Variants in SRPK2 observed in about 807,000 individuals in gnomAD.
SRPK2 encodes the protein SRSF protein kinase 2.
SRPK2 carries 21 observed loss-of-function variants against 90.8 expected under a neutral mutation model. The ratio of observed to expected loss-of-function variants is 0.23; its 90% CI spans 0.16 to 0.33. SRPK2 has a LOEUF of 0.33. Among genes scored for constraint, SRPK2 ranks in the 10% least tolerant of loss-of-function variants. The probability of loss-of-function intolerance (pLI) is 1.00; values close to 1 mark genes in which losing one functional copy is unlikely to be tolerated. For missense variants in SRPK2, 620 were observed against 869.0 expected, an observed-to-expected ratio of 0.71 and a Z score of 3.60; for synonymous variants, 288 against 311.1, an observed-to-expected ratio of 0.93 and a Z score of 0.78.
chr7:105,215,971 A>G (rs1797409990), intron 2 of SRPK2, among the ~76,000 whole-genome samples: 1 of 151,684 alleles, frequency 6.6e-6, no homozygotes, highest in African/African-American at 2.4e-5. Context: ...TGGGATAATC[A>G]CTTGAGCTCA....
chr7:105,389,180 C>G, upstream of SRPK2: 1 of 1,072,824 alleles, frequency 9.3e-7, no homozygotes, highest in Non-Finnish European at 1.1e-6. Flanking sequence ...CCAGGCCGCC[C>G]GCCTCTCCCG....
intron 2 of SRPK2, among the ~76,000 whole-genome samples, chr7:105,315,672 G>A (rs1188879840): frequency 6.6e-6 from 1 of 152,104 alleles, no homozygotes; most frequent in Non-Finnish European, 1.5e-5. Context: ...AAAACAACTT[G>A]ACTAGATAAT....
chr7:105,173,545 G>GA (rs1382567309), intron 3 of SRPK2, among the ~76,000 whole-genome samples: 1 of 152,042 alleles, frequency 6.6e-6, no homozygotes, highest in Non-Finnish European at 1.5e-5. Context: ...CAGGGAATCT[G>GA]AAAAAATGAA....
At chr7:105,200,487 A>T (rs1348028657) in intron 3 of SRPK2, among the ~76,000 whole-genome samples, 1 of 152,130 alleles carries the variant, frequency 6.6e-6, no homozygotes, top group Non-Finnish European at 1.5e-5. Flanking sequence ...TCCACCCGAG[A>T]CAGAAAGTCA....
chr7:105,376,026 G>GGC (rs1820249515), intron 2 of SRPK2, among the ~76,000 whole-genome samples: 1 of 103,998 alleles, frequency 9.6e-6, no homozygotes, highest in African/African-American at 3.8e-5. Flanking sequence ...CAGAGTCTCT[G>GGC]TCTGCCACCC....
At chr7:105,124,659 A>AAAAAAAAAAAT (rs1800902266) in intron 15 of SRPK2, among the ~76,000 whole-genome samples, 1 of 149,528 alleles carries the variant, frequency 6.7e-6, no homozygotes, top group Admixed American at 6.7e-5. Flanking sequence ...AAAAAAAAAA[A>AAAAAAAAAAAT]TCAATGTGGT....
chr7:105,388,616 G>T (rs1195186466), intron 2 of SRPK2, 32 bp downstream of exon 2: 1 of 1,554,568 alleles, frequency 6.4e-7, no homozygotes, highest in Non-Finnish European at 8.7e-7. Flanking sequence ...GGGCGGGGGT[G>T]GGGAACGGGG....
At chr7:105,370,970 G>A (rs1819628134) in intron 2 of SRPK2, among the ~76,000 whole-genome samples, 1 of 152,026 alleles carries the variant, frequency 6.6e-6, no homozygotes, top group Admixed American at 6.6e-5. Flanking sequence ...ATGTCTATGT[G>A]GAGCGTAATT....
chr7:105,387,704 C>T (rs779048725), intron 2 of SRPK2, among the ~76,000 whole-genome samples: 24 of 152,288 alleles, frequency 1.6e-4, no homozygotes, highest in Non-Finnish European at 2.2e-4. Context: ...AGATGCCACA[C>T]AGAGTATTCT....
At chr7:105,160,237 CCAT>C (rs1220770976) in intron 7 of SRPK2, 1 of 243,906 alleles carries the variant, frequency 4.1e-6, no homozygotes, top group Non-Finnish European at 7.8e-6. Context: ...TGTAATTGTA[CCAT>C]GTCACATACC....
chr7:105,292,377 A>T (rs1809153571), intron 2 of SRPK2, among the ~76,000 whole-genome samples: 2 of 151,788 alleles, frequency 1.3e-5, no homozygotes, highest in South Asian at 2.1e-4. Flanking sequence ...GTGTGGCGGC[A>T]TATGCCTGTA....
chr7:105,346,176 A>G (rs1201607140), intron 2 of SRPK2, among the ~76,000 whole-genome samples: 1 of 152,240 alleles, frequency 6.6e-6, no homozygotes, highest in Non-Finnish European at 1.5e-5. Flanking sequence ...AAATGCCTTT[A>G]CCAAGGTTTT....
Position 105,287,028 on chromosome 7 carries a change from G to A in SRPK2, c.72-83243C>T, listed in dbSNP as rs369132440. Among the ~76,000 whole-genome samples the A allele has an allele frequency of 1.3e-4, 20 of 152,038 alleles. No homozygotes were observed. In the East Asian group the frequency reaches 1.4e-3, roughly 10 times the overall value. ...TGTAATCCCAGCACTTTGGGAGGCC[G>A]AGGCGGGCGGATCACGAGGTCAGGA... On this transcript the variant is annotated intron_variant, in intron 2 of 15. Transcript: ENST00000393651.
chr7:105,328,390 C>T (rs146463329), intron 2 of SRPK2, among the ~76,000 whole-genome samples: 45 of 150,306 alleles, frequency 3.0e-4, no homozygotes, highest in African/African-American at 1.1e-3. Context: ...GGTGAAACCT[C>T]GTGTCTACTA....
intron 2 of SRPK2, among the ~76,000 whole-genome samples, chr7:105,269,271 T>C (rs1805511056): frequency 6.6e-6 from 1 of 152,096 alleles, no homozygotes; most frequent in South Asian, 2.1e-4. Flanking sequence ...AATAAACAGA[T>C]ATGCAACCCT....
At chr7:105,337,416 G>A (rs897846960) in intron 2 of SRPK2, among the ~76,000 whole-genome samples, 3 of 151,812 alleles carry the variant, frequency 2.0e-5, no homozygotes, top group African/African-American at 7.3e-5. Flanking sequence ...CCCGGTTCAA[G>A]CGATTCTCCT....
At chr7:105,185,654 A>AAACTG (rs1793485375) in intron 3 of SRPK2, among the ~76,000 whole-genome samples, 1 of 152,240 alleles carries the variant, frequency 6.6e-6, no homozygotes, top group African/African-American at 2.4e-5. Flanking sequence ...TCTTAGAGAC[A>AAACTG]AACTGACTAC....
chr7:105,285,965 A>C (rs1294020211), intron 2 of SRPK2, among the ~76,000 whole-genome samples: 1 of 152,232 alleles, frequency 6.6e-6, no homozygotes, highest in Non-Finnish European at 1.5e-5. Context: ...AATGTATCAG[A>C]CATGCATCTA....
At chr7:105,393,464 T>C (rs1490952205), upstream of SRPK2, among the ~76,000 whole-genome samples, 1 of 140,872 alleles carries the variant, frequency 7.1e-6, no homozygotes, top group Non-Finnish European at 1.5e-5. Flanking sequence ...TTTTTCTTTT[T>C]TTTTTTTTTT....
Sources: gnomAD v4.1 joint callset for allele counts (sites outside exome capture counted in the v4.1 genomes callset) on GRCh38, gnomAD v4.1.1 for gene constraint, MANE v1.5 for transcripts, NCBI Gene and HGNC (gene_info 2026-07-23, HGNC 2026-07-21) for gene names.